Variants in SEMA5B observed in about 807,000 individuals in gnomAD.
The protein encoded by SEMA5B is semaphorin 5B, also known as semaphorin-5B.
Under a neutral mutation model 135.0 loss-of-function variants are expected in SEMA5B, and 66 were observed. The observed-to-expected ratio is 0.49, with a 90% CI of 0.40 to 0.60. The LOEUF is 0.60. Ranked by LOEUF, SEMA5B falls within the 20% of genes least tolerant of loss-of-function variation. SEMA5B has a pLI of 0.00. For synonymous variants in SEMA5B, 690 were observed against 639.5 expected, an observed-to-expected ratio of 1.08 and a Z score of -1.19; for missense variants, 1,501 against 1,566.3, an observed-to-expected ratio of 0.96 and a Z score of 0.70.
chr3:122,998,267 C>G (rs1942077185), intron 1 of SEMA5B, among the ~76,000 whole-genome samples: 1 of 152,096 alleles, frequency 6.6e-6, no homozygotes, highest in South Asian at 2.1e-4. Flanking sequence ...ACTCTGGGGT[C>G]GCTCACTCAC....
At chr3:123,008,959 CCACAAGTG>C (rs1261039844) in intron 1 of SEMA5B, among the ~76,000 whole-genome samples, 1 of 152,190 alleles carries the variant, frequency 6.6e-6, no homozygotes, top group African/African-American at 2.4e-5. Flanking sequence ...CTGCCTCCCA[CCACAAGTG>C]CACCTTTGAT....
In SEMA5B at chr3:122,922,100, C is replaced by T; in HGVS notation, c.1503G>A (p.Ala501=). The T allele has an allele frequency of 6.7e-7, 1 of 1,497,628 alleles. No homozygotes were observed. The allele number at this position is 1,497,628 out of a possible 1,614,324, so 92.8% of individuals were successfully genotyped here. A position where few individuals can be genotyped will look rare whatever the true frequency, so the allele number is the denominator to read the frequency against. ...GGAGGCTGCGGCTCGCCGTGGACAG[C>T]GCCTTCAGGATGGTGCCCGACTCTG... The part of the protein sequence containing the change: ...IGTESGTILK[A]LSTASRSLHG... The change falls in exon 12 of 23, where the codon GCG becomes GCA. Residue 501 remains alanine, a synonymous_variant. Transcript: ENST00000357599.
rs769518310 is a variant in SEMA5B, at chr3:122,911,501, G to A, written c.3081C>T (p.Thr1027=). The part of the protein sequence containing the change: ...ILPASSMEEA[T]DCAGFNLIHL... ...TCCGGTTTCTTTTACCTGCACAGTCGGTGGCCTCCTCCATGCTGGAGGCTG... is the reference window on the plus strand; with the variant it reads ...TCCGGTTTCTTTTACCTGCACAGTCAGTGGCCTCCTCCATGCTGGAGGCTG... Residue 1027 remains threonine (T), a synonymous_variant, in exon 21 of 23, where the codon ACC becomes ACT. Transcript: ENST00000357599. The A allele has an allele frequency of 1.8e-5, 29 of 1,609,560 alleles. No homozygotes were observed. Among genetic ancestry groups the A allele is most frequent in the Non-Finnish European group, 2.0e-5 (24 of 1,178,702 alleles).
chr3:122,951,870 T>C (rs1940061315), intron 2 of SEMA5B, among the ~76,000 whole-genome samples: 1 of 152,216 alleles, frequency 6.6e-6, no homozygotes, highest in Non-Finnish European at 1.5e-5. Context: ...TGCCCCTACC[T>C]TACTCCAGGT....
At chr3:123,026,261 G>C (rs749442503) in intron 1 of SEMA5B, among the ~76,000 whole-genome samples, 1 of 152,204 alleles carries the variant, frequency 6.6e-6, no homozygotes, top group East Asian at 1.9e-4. Context: ...CCGGGAAGGA[G>C]TGCATGCCAG....
At chr3:122,962,275 C>A (rs771476817) in intron 1 of SEMA5B, among the ~76,000 whole-genome samples, 1 of 152,252 alleles carries the variant, frequency 6.6e-6, no homozygotes, top group Non-Finnish European at 1.5e-5. Context: ...TCCAGAGACT[C>A]ATCTGTGACT....
chr3:123,002,913 A>T (rs1942216830), intron 1 of SEMA5B, among the ~76,000 whole-genome samples: 2 of 152,152 alleles, frequency 1.3e-5, no homozygotes, highest in Admixed American at 1.3e-4. Context: ...TTATTTCCGG[A>T]GATAAGGATG....
At chr3:122,991,266 AC>A (rs1330856627) in intron 1 of SEMA5B, among the ~76,000 whole-genome samples, 1 of 152,112 alleles carries the variant, frequency 6.6e-6, no homozygotes. Context: ...AAGCCTTTGC[AC>A]TCTTAGTCCA....
At chr3:122,920,010 A>T (rs1938269088) in intron 12 of SEMA5B, among the ~76,000 whole-genome samples, 1 of 152,138 alleles carries the variant, frequency 6.6e-6, no homozygotes, top group Non-Finnish European at 1.5e-5. Flanking sequence ...CGTCCACTGC[A>T]GGCCCCGTTC....
intron 1 of SEMA5B, among the ~76,000 whole-genome samples, chr3:122,983,355 CTT>C (rs1941588563): frequency 6.6e-6 from 1 of 151,902 alleles, no homozygotes; most frequent in African/African-American, 2.4e-5. Flanking sequence ...TGCAGTCTAA[CTT>C]AATTTTTTTC....
chr3:122,969,678 A>G (rs542676695), intron 1 of SEMA5B, among the ~76,000 whole-genome samples: 22 of 152,046 alleles, frequency 1.4e-4, no homozygotes, highest in African/African-American at 5.3e-4. Context: ...TCTGTGTCCC[A>G]CTCACTGCTG....
chr3:122,959,696 G>A (rs1489752753), intron 2 of SEMA5B, among the ~76,000 whole-genome samples: 1 of 152,214 alleles, frequency 6.6e-6, no homozygotes, highest in Non-Finnish European at 1.5e-5. Context: ...CATGCACAGA[G>A]AGCATGCAGC....
At chr3:123,011,610 A>G (rs1272223917) in intron 1 of SEMA5B, among the ~76,000 whole-genome samples, 2 of 152,178 alleles carry the variant, frequency 1.3e-5, no homozygotes, top group Non-Finnish European at 2.9e-5. Flanking sequence ...ACACACATGC[A>G]CAGAGCTTGC....
chr3:122,988,714 C>T (rs1001191373), intron 1 of SEMA5B, among the ~76,000 whole-genome samples: 2 of 152,198 alleles, frequency 1.3e-5, no homozygotes, highest in African/African-American at 2.4e-5. Flanking sequence ...GGGGTGGGGC[C>T]TGGAAAGCTC....
chr3:122,968,238 A>C (rs1040377130), intron 1 of SEMA5B, among the ~76,000 whole-genome samples: 9 of 152,222 alleles, frequency 5.9e-5, no homozygotes, highest in African/African-American at 9.6e-5. Context: ...CCTCCTTCAC[A>C]GTTTAATTTG....
At chr3:123,024,030 T>C (rs1942748278) in intron 1 of SEMA5B, among the ~76,000 whole-genome samples, 1 of 152,212 alleles carries the variant, frequency 6.6e-6, no homozygotes, top group Admixed American at 6.5e-5. Context: ...TTTAAGGCAA[T>C]ATAACATAAC....
intron 2 of SEMA5B, among the ~76,000 whole-genome samples, chr3:122,955,813 A>G (rs1311849556): frequency 6.6e-6 from 1 of 152,268 alleles, no homozygotes; most frequent in Non-Finnish European, 1.5e-5. Flanking sequence ...TTACTAGTAT[A>G]TGTAAAACAT....
At chr3:122,926,234 C>T (rs1706828533) in intron 9 of SEMA5B, among the ~76,000 whole-genome samples, 158 bp downstream of exon 9, 1 of 152,234 alleles carries the variant, frequency 6.6e-6, no homozygotes, top group South Asian at 2.1e-4. Flanking sequence ...ACCCAGAACA[C>T]GAGCTTACCG....
At position 122,913,251 on chromosome 3, in the gene SEMA5B, C is replaced by A; in HGVS notation, c.2454G>T (p.Arg818Ser). 6.3e-7 allele frequency: 1 copy of A among 1,586,032 alleles called. No homozygotes were observed. Among genetic ancestry groups the A allele is most frequent in the East Asian group, 2.3e-5 (1 of 44,172 alleles). Residue 818 changes from arginine (R) to serine (S), a missense_variant, in exon 17 of 23, where the codon AGG becomes AGT. By Grantham distance (110) the Arg-to-Ser change is moderately radical. Coordinates refer to ENST00000357599, the MANE Select transcript of SEMA5B (RefSeq NM_001031702.4). ...DPHGLQFGRR[R>S]TETRTCPADG... ...CCGCGGGACAGGTCCTCGTCTCGGT[C>A]CTTCTCCTGCCGAACTGCAGGCCGT... is the stretch of plus-strand genomic sequence containing the variant.
Sources: gnomAD v4.1 joint callset for allele counts (sites outside exome capture counted in the v4.1 genomes callset) on GRCh38, gnomAD v4.1.1 for gene constraint, MANE v1.5 for transcripts, NCBI Gene and HGNC (gene_info 2026-07-23, HGNC 2026-07-21) for gene names.